FAM50B: variants seen among roughly 807,000 people sequenced by gnomAD.
FAM50B encodes family with sequence similarity 50 member B.
A neutral mutation model predicts 25.4 loss-of-function variants in FAM50B; 9 were observed. The observed-to-expected ratio is 0.35, with a 90% confidence interval of 0.21 to 0.62. The LOEUF (loss-of-function observed/expected upper bound fraction) is 0.62. Among genes scored for constraint, FAM50B ranks in the 20% least tolerant of loss-of-function variants. The pLI, the probability that FAM50B is intolerant of heterozygous loss-of-function variation, is 0.73. For missense variants in FAM50B, 372 were observed against 477.9 expected (o/e 0.78, Z 2.07); for synonymous variants, 212 against 204.3 (o/e 1.04, Z -0.32).
At chr6:3,846,743 ACT>A (rs1256507894), upstream of FAM50B, among the ~76,000 whole-genome samples, 16 of 152,368 alleles carry the variant, frequency 1.1e-4, no homozygotes, top group Non-Finnish European at 2.1e-4. Flanking sequence ...ATTTCAATTT[ACT>A]TTGCCCAGAT....
chr6:3,851,287 T>G lies in FAM50B; in HGVS notation c.*498T>G. On this transcript the variant is annotated 3_prime_UTR_variant, in exon 2 of 2. Transcript: ENST00000648326. ...AGTGAATTAATATTTGTAAAACGCT[T>G]AGCTCTTAATAAATGTTTCTGTTGT... 1 of 174,992 alleles carries G rather than the reference T, an allele frequency of 5.7e-6. No individual in the cohort carries two copies. Among genetic ancestry groups the G allele is most frequent in the Non-Finnish European group, 1.4e-5 (1 of 72,952 alleles). The allele number at this position is 174,992 out of a possible 1,614,324, so 10.8% of individuals were successfully genotyped here. A position where few individuals can be genotyped will look rare whatever the true frequency, so the allele number is the denominator to read the frequency against.
At chr6:3,840,843 T>C in the FAM50B span, among the ~76,000 whole-genome samples, 2 of 152,128 alleles carry the variant, frequency 1.3e-5, no homozygotes, top group African/African-American at 4.8e-5. Flanking sequence ...CATAACTATA[T>C]ACCAAAAACA....
chr6:3,843,144 A>G, the FAM50B span, among the ~76,000 whole-genome samples: 1 of 152,244 alleles, frequency 6.6e-6, no homozygotes, highest in South Asian at 2.1e-4. Flanking sequence ...ACCTGGCCAG[A>G]CATTTCAATC....
chr6:3,845,214 T>C (rs1052571787), upstream of FAM50B, among the ~76,000 whole-genome samples: 3 of 152,202 alleles, frequency 2.0e-5, no homozygotes, highest in Admixed American at 6.5e-5. Context: ...ATCAGACTTT[T>C]AGGATAAATC....
chr6:3,849,806 C>T lies in FAM50B; in HGVS notation c.-6C>T, dbSNP rs561287113. 128 of 1,596,784 alleles carry T rather than the reference C, an allele frequency of 8.0e-5. No homozygotes were observed. In the South Asian group the frequency reaches 1.4e-3, roughly 17 times the overall value. ...TGCTGCAGAGCCCATCGGGTAGGCG[C>T]GGGCCATGGCGCAGTACAAGGGCAC... On this transcript the variant is annotated 5_prime_UTR_variant, in exon 2 of 2. Transcript: ENST00000648326.
chr6:3,850,871 C>T lies in FAM50B; in HGVS notation c.*82C>T. Reference sequence around the variant, plus strand: ...CATCACCAGTCACTTGATTTCGTGACCTTGATTTCTTCCCCCAAATTTAAT... The same window carrying T: ...CATCACCAGTCACTTGATTTCGTGATCTTGATTTCTTCCCCCAAATTTAAT... On this transcript the variant is annotated 3_prime_UTR_variant, in exon 2 of 2. Coordinates refer to ENST00000648326, the MANE Select transcript of FAM50B (RefSeq NM_012135.3). 5.2e-6 allele frequency: 8 copies of T among 1,533,608 alleles called. No individual in the cohort carries two copies. Among genetic ancestry groups the T allele is most frequent in the East Asian group, 2.3e-5 (1 of 44,092 alleles).
At chr6:3,847,020 C>A (rs1286268091), upstream of FAM50B, among the ~76,000 whole-genome samples, 5 of 152,192 alleles carry the variant, frequency 3.3e-5, no homozygotes, top group African/African-American at 1.2e-4. Context: ...ATTCAGTAAA[C>A]CATGCTGTAA....
At chr6:3,841,857 C>T in the FAM50B span, among the ~76,000 whole-genome samples, 2 of 152,230 alleles carry the variant, frequency 1.3e-5, no homozygotes, top group Non-Finnish European at 2.9e-5. Flanking sequence ...GAAAGCAGCT[C>T]CAGGAACAGC....
Position 3,850,059 on chromosome 6 carries a change from A to G in FAM50B, c.248A>G (p.Glu83Gly). The G allele has an allele frequency of 6.2e-7, 1 of 1,612,074 alleles. No individual in the cohort carries two copies. The stretch of plus-strand genomic sequence containing the variant: ...GCCCGGCAGGAGGCCCTGGTCAGGG[A>G]GCGCGAGCGGCAGCTGGCCAAGCGC... ...MKARQEALVRERERQLAKRQH... is the reference protein window; with the variant it reads ...MKARQEALVRGRERQLAKRQH... The change falls in exon 2 of 2, where the codon GAG becomes GGG. Residue 83 changes from glutamate to glycine, a missense_variant. By Grantham distance (98) the Glu-to-Gly change is moderately conservative (BLOSUM62 -2). Transcript: ENST00000648326.
At chr6:3,843,574 A>AG in the FAM50B span, among the ~76,000 whole-genome samples, 1 of 152,144 alleles carries the variant, frequency 6.6e-6, no homozygotes. Context: ...TTTTTCCCCC[A>AG]GGGAACACAT....
the FAM50B span, among the ~76,000 whole-genome samples, chr6:3,844,080 A>G: frequency 3.9e-5 from 6 of 152,252 alleles, no homozygotes; most frequent in Non-Finnish European, 7.3e-5. Context: ...AAAACCGACC[A>G]TGACAAAAGG....
chr6:3,838,400 G>A, the FAM50B span, among the ~76,000 whole-genome samples: 1 of 152,068 alleles, frequency 6.6e-6, no homozygotes, highest in Non-Finnish European at 1.5e-5. Context: ...ACAATCGGGC[G>A]CTACTCAGCA....
rs766332139 is a variant in FAM50B, at chr6:3,849,951, A to T, written c.140A>T (p.Lys47Met). The T allele has an allele frequency of 1.2e-5, 19 of 1,613,824 alleles. No homozygotes were observed. In the South Asian group the frequency reaches 2.0e-4, roughly 17 times the overall value. ...EETILKSQVD[K>M]RFSAHYDAVE... ...ACCATCCTCAAGTCGCAGGTGGACAAGAGGTTCTCGGCGCATTACGACGCC... is the reference window on the plus strand; with the variant it reads ...ACCATCCTCAAGTCGCAGGTGGACATGAGGTTCTCGGCGCATTACGACGCC... Residue 47 changes from lysine (K) to methionine (M), a missense_variant, in exon 2 of 2, where the codon AAG (lysine) becomes ATG (methionine). Coordinates refer to ENST00000648326, the MANE Select transcript of FAM50B (RefSeq NM_012135.3).
At chr6:3,849,549 T>C (rs998453166) in intron 1 of FAM50B, 63 bp downstream of exon 1, 3 of 523,356 alleles carry the variant, frequency 5.7e-6, no homozygotes, top group Non-Finnish European at 9.8e-6. Context: ...AGCGCTGCGC[T>C]CAGGCATGGC....
the FAM50B span, among the ~76,000 whole-genome samples, chr6:3,843,157 T>G: frequency 6.6e-6 from 1 of 152,314 alleles, no homozygotes; most frequent in South Asian, 2.1e-4. Flanking sequence ...TTTCAATCTA[T>G]CATATGAAAA....
rs1478549440 is a variant in FAM50B at position 3,849,928 on chromosome 6, C to A, written c.117C>A (p.Thr39=). 3 of 1,613,914 alleles carry A rather than the reference C, an allele frequency of 1.9e-6. No homozygotes were observed. The highest frequency in any genetic ancestry group is 1.7e-4 in the Middle Eastern group (1 of 6,058). The change falls in exon 2 of 2, where the codon ACC becomes ACA. Residue 39 remains threonine (T), a synonymous_variant. Transcript: ENST00000648326. ...TGAAGCAGCGCATCGCCGAGGAGAC[C>A]ATCCTCAAGTCGCAGGTGGACAAGA... ...EVLKQRIAEE[T]ILKSQVDKRF...
the FAM50B span, among the ~76,000 whole-genome samples, chr6:3,834,359 C>CAAAAAAAAAAAAAAAAAAAAGGAAA: frequency 1.3e-5 from 1 of 75,046 alleles, no homozygotes; most frequent in African/African-American, 4.4e-5. Context: ...TGATATATGG[C>CAAAAAAAAAAAAAAAAAAAAGGAAA]AAAAAAAAAA....
the FAM50B span, among the ~76,000 whole-genome samples, chr6:3,837,223 C>G: frequency 6.6e-6 from 1 of 151,886 alleles, no homozygotes; most frequent in African/African-American, 2.4e-5. Flanking sequence ...AATGAGCAAC[C>G]GATAAATTGA....
chr6:3,849,215 C>T (rs111521258), upstream of FAM50B, among the ~76,000 whole-genome samples: 3,716 of 152,330 alleles, frequency 0.024, 134 homozygotes, highest in African/African-American at 0.084. Context: ...GCCCGCCCCA[C>T]AGGAGCACCG....
Sources: gnomAD v4.1 joint callset for allele counts (sites outside exome capture counted in the v4.1 genomes callset) on GRCh38, gnomAD v4.1.1 for gene constraint, MANE v1.5 for transcripts, NCBI Gene and HGNC (gene_info 2026-07-23, HGNC 2026-07-21) for gene names.